FAM13A: variants seen among roughly 807,000 people sequenced by gnomAD.
FAM13A encodes protein FAM13A.
In FAM13A, 76 loss-of-function variants were observed where a neutral mutation model predicts 129.6. That is an observed-to-expected ratio of 0.59 (90% CI 0.49 to 0.71). The LOEUF is 0.71. Ranked by LOEUF, FAM13A falls within the 30% of genes least tolerant of loss-of-function variation. FAM13A has a pLI of 0.00. For missense variants in FAM13A, 1,108 were observed against 1,249.3 expected (o/e 0.89, Z 1.70); for synonymous variants, 443 against 449.9 (o/e 0.98, Z 0.20).
intron 5 of FAM13A, among the ~76,000 whole-genome samples, chr4:88,934,759 TAAGTG>T (rs1232019966): frequency 6.6e-6 from 1 of 152,192 alleles, no homozygotes; most frequent in Non-Finnish European, 1.5e-5. Flanking sequence ...ACCTCCAACT[TAAGTG>T]AAGTAAGAGA....
At chr4:88,990,792 T>C (rs1159330657) in intron 4 of FAM13A, 181 bp downstream of exon 4, 1 of 482,660 alleles carries the variant, frequency 2.1e-6, no homozygotes, top group African/African-American at 1.9e-5. Context: ...AGGGCATAGC[T>C]ACCTTCTTCA....
intron 6 of FAM13A, among the ~76,000 whole-genome samples, chr4:88,857,490 A>T (rs186811843): frequency 2.0e-5 from 3 of 152,134 alleles, no homozygotes; most frequent in African/African-American, 7.2e-5. Flanking sequence ...TTAGCCAGGC[A>T]TGGTGGCGCA....
intron 4 of FAM13A, among the ~76,000 whole-genome samples, chr4:88,978,219 A>G (rs1761163077): frequency 6.6e-6 from 1 of 152,226 alleles, no homozygotes; most frequent in Non-Finnish European, 1.5e-5. Context: ...ACAGATCAAG[A>G]AGTGTTACAA....
chr4:88,985,473 A>C (rs1041121383), intron 4 of FAM13A, among the ~76,000 whole-genome samples: 6 of 151,936 alleles, frequency 3.9e-5, no homozygotes, highest in Non-Finnish European at 8.8e-5. Flanking sequence ...TCTCAATAAA[A>C]CTCTTAAAAC....
At chr4:89,051,877 C>G (rs1407746958) in intron 1 of FAM13A, among the ~76,000 whole-genome samples, 2 of 152,224 alleles carry the variant, frequency 1.3e-5, no homozygotes, top group Non-Finnish European at 2.9e-5. Context: ...CTCTGACCTT[C>G]AGGCCACTGG....
intron 23 of FAM13A, 97 bp downstream of exon 23, chr4:88,731,230 C>T (rs1416576023): frequency 1.5e-6 from 1 of 660,354 alleles, no homozygotes; most frequent in African/African-American, 2.0e-5. Flanking sequence ...AGAGTCCCCC[C>T]TTTGAAGGCA....
chr4:88,938,491 G>C (rs1754193978), intron 4 of FAM13A, among the ~76,000 whole-genome samples: 1 of 152,158 alleles, frequency 6.6e-6, no homozygotes. Flanking sequence ...GATGAACACT[G>C]AGGCCAGTAG....
intron 6 of FAM13A, among the ~76,000 whole-genome samples, chr4:88,869,413 C>T (rs1339648453): frequency 6.6e-6 from 1 of 152,184 alleles, no homozygotes; most frequent in Admixed American, 6.5e-5. Flanking sequence ...GCTTCAGCCT[C>T]CTGCAGTGGC....
intron 7 of FAM13A, among the ~76,000 whole-genome samples, chr4:88,848,582 GACAA>G (rs1737062480): frequency 6.6e-6 from 1 of 152,154 alleles, no homozygotes; most frequent in Non-Finnish European, 1.5e-5. Flanking sequence ...CTCAGTAAGT[GACAA>G]TGACTTCGGG....
intron 13 of FAM13A, among the ~76,000 whole-genome samples, chr4:88,761,396 ATAC>A (rs1473104492): frequency 6.6e-6 from 1 of 152,242 alleles, no homozygotes; most frequent in East Asian, 1.9e-4. Flanking sequence ...GAGGGGAAGT[ATAC>A]TACAACAAAG....
intron 1 of FAM13A, among the ~76,000 whole-genome samples, chr4:89,034,491 T>C (rs1183867133): frequency 6.6e-6 from 1 of 152,168 alleles, no homozygotes; most frequent in Admixed American, 6.5e-5. Flanking sequence ...TAAATTAGTT[T>C]ATCCCCTGTG....
intron 3 of FAM13A, among the ~76,000 whole-genome samples, chr4:89,014,014 G>C (rs563714255): frequency 5.9e-5 from 9 of 152,180 alleles, no homozygotes; most frequent in Non-Finnish European, 1.3e-4. Context: ...GTGCAATAGT[G>C]TCCTGCTCAG....
intron 4 of FAM13A, among the ~76,000 whole-genome samples, chr4:88,976,727 C>G (rs1302544670): frequency 5.9e-5 from 1 of 16,814 alleles, no homozygotes; most frequent in African/African-American, 2.3e-4. Flanking sequence ...CACTCACTGA[C>G]TCACACAGAG....
intron 6 of FAM13A, among the ~76,000 whole-genome samples, chr4:88,892,688 G>A (rs1193279194): frequency 6.6e-6 from 1 of 152,080 alleles, no homozygotes; most frequent in Non-Finnish European, 1.5e-5. Flanking sequence ...CTTAAAATCT[G>A]GGAGTAAGTC....
chr4:89,013,772 T>G (rs115455265), intron 3 of FAM13A, among the ~76,000 whole-genome samples: 2,263 of 152,312 alleles, frequency 0.015, 63 homozygotes, highest in African/African-American at 0.051. Context: ...GTTTATGTAG[T>G]TACTATACAG....
intron 4 of FAM13A, among the ~76,000 whole-genome samples, chr4:88,949,593 G>A (rs559511235): frequency 2.0e-4 from 31 of 152,236 alleles, no homozygotes; most frequent in African/African-American, 7.5e-4. Context: ...TGTTATAAAT[G>A]AAAATTCAGT....
intron 7 of FAM13A, among the ~76,000 whole-genome samples, chr4:88,848,577 T>G (rs928616574): frequency 6.6e-6 from 1 of 152,202 alleles, no homozygotes; most frequent in African/African-American, 2.4e-5. Context: ...TCATTCTCAG[T>G]AAGTGACAAT....
chr4:88,730,473 A>G (rs1460517187), intron 23 of FAM13A, among the ~76,000 whole-genome samples: 1 of 152,150 alleles, frequency 6.6e-6, no homozygotes, highest in African/African-American at 2.4e-5. Flanking sequence ...GCTCACTGCA[A>G]CCTTGGCCTC....
At chr4:88,993,765 C>G (rs1425593291) in intron 3 of FAM13A, among the ~76,000 whole-genome samples, 1 of 152,088 alleles carries the variant, frequency 6.6e-6, no homozygotes, top group African/African-American at 2.4e-5. Flanking sequence ...CTTTGGGAGG[C>G]CGAGGTGGGC....
Sources: allele counts gnomAD v4.1 joint callset (sites outside exome capture counted in the v4.1 genomes callset), GRCh38; gene constraint gnomAD v4.1.1; transcripts MANE v1.5; gene names NCBI Gene and HGNC (gene_info 2026-07-23, HGNC 2026-07-21).